Variants in TMEM217 observed in about 807,000 individuals in gnomAD.
TMEM217 encodes transmembrane protein 217.
For synonymous variants in TMEM217, 76 were observed against 88.3 expected, an observed-to-expected ratio of 0.86 and a Z score of 0.78; for missense variants, 204 against 248.8, an observed-to-expected ratio of 0.82 and a Z score of 1.21.
chr6:37,243,684 C>T lies in TMEM217; in HGVS notation c.-12+13884G>A, dbSNP rs192289132. On this transcript the variant is annotated intron_variant, in intron 1 of 1. Transcript: ENST00000357219. The stretch of plus-strand genomic sequence containing the variant: ...CATGATCTCGGCTCACTGCAACCTC[C>T]GCCTCCTGGGTTCAAGCGATTCTCC... Among the ~76,000 whole-genome samples the T allele has an allele frequency of 3.4e-3, 518 of 152,206 alleles. 2 individuals are homozygous for T. Among genetic ancestry groups the T allele is most frequent in the African/African-American group, 0.011 (456 of 41,516 alleles).
At position 37,257,868 on chromosome 6, in the gene TMEM217, C is replaced by T. The variant is rs369150865; in HGVS notation, c.-312G>A. On this transcript the variant is annotated 5_prime_UTR_variant, in exon 1 of 2. Coordinates refer to ENST00000357219, the Ensembl canonical transcript of TMEM217. ...CAGATTGCGGGGTCTGGGGGCATCT[C>T]GCCGGGCAAACCCTTGGCCCGCCTA... is the stretch of plus-strand genomic sequence containing the variant. 2.5e-6 allele frequency: 4 copies of T among 1,595,042 alleles called. No homozygotes were observed. In the East Asian group the frequency reaches 6.8e-5, roughly 27 times the overall value.
At chr6:37,218,551 G>A (rs746414209) in exon 2 of TMEM217, 1 of 1,614,112 alleles carries the variant, frequency 6.2e-7, no homozygotes, top group Non-Finnish European at 8.5e-7. Flanking sequence ...AAATTATATT[G>A]CCCTGGCTCC....
At chr6:37,215,835 C>T (rs1371851036), downstream of TMEM217, among the ~76,000 whole-genome samples, 1 of 152,018 alleles carries the variant, frequency 6.6e-6, no homozygotes, top group African/African-American at 2.4e-5. Flanking sequence ...AAGGGGTAGG[C>T]ACAGGGATAG....
chr6:37,218,196 G>A, exon 2 of TMEM217: 1 of 1,251,536 alleles, frequency 8.0e-7, no homozygotes, highest in Non-Finnish European at 1.0e-6. Flanking sequence ...GGGGGACAGA[G>A]TCTTACTCTG....
chr6:37,243,685 G>A (rs183957703), intron 1 of TMEM217, among the ~76,000 whole-genome samples: 1 of 152,172 alleles, frequency 6.6e-6, no homozygotes, highest in African/African-American at 2.4e-5. Flanking sequence ...TGCAACCTCC[G>A]CCTCCTGGGT....
chr6:37,229,346 T>TTTTTG lies in TMEM217; in HGVS notation c.-11-10306_-11-10305insCAAAA, dbSNP rs1764051662. Among the ~76,000 whole-genome samples, 3 of 128,202 alleles carry TTTTTG rather than the reference T, an allele frequency of 2.3e-5. 1 individual carries two copies. Among genetic ancestry groups the TTTTTG allele is most frequent in the African/African-American group, 9.2e-5 (3 of 32,474 alleles). The allele number at this position is 128,202 out of a possible 152,430, so 84.1% of individuals were successfully genotyped here. ...CCTAGCAACTTTCAGTTTTTTTTTT[T>TTTTTG]TTTTTTTTTTTTTTGAGACAGTGTC... is the stretch of plus-strand genomic sequence containing the variant. On this transcript the variant is annotated intron_variant, in intron 1 of 1. Coordinates refer to ENST00000357219, the Ensembl canonical transcript of TMEM217.
chr6:37,239,001 A>G (rs1764630006), intron 1 of TMEM217, among the ~76,000 whole-genome samples: 1 of 152,086 alleles, frequency 6.6e-6, no homozygotes, highest in Non-Finnish European at 1.5e-5. Context: ...ATGTTGGCAC[A>G]TGCCTGTAAT....
At chr6:37,247,247 G>T (rs1167501643) in intron 1 of TMEM217, among the ~76,000 whole-genome samples, 2 of 152,154 alleles carry the variant, frequency 1.3e-5, no homozygotes, top group Non-Finnish European at 2.9e-5. Context: ...GTTAATTTTA[G>T]TTTGGATTCT....
At chr6:37,212,770 G>A, downstream of TMEM217, 1 of 701,264 alleles carries the variant, frequency 1.4e-6, no homozygotes, top group Non-Finnish European at 2.6e-6. Flanking sequence ...GATGATGATG[G>A]TGGTGAGGGA....
intron 1 of TMEM217, among the ~76,000 whole-genome samples, chr6:37,221,670 A>T (rs1357743167): frequency 6.6e-6 from 1 of 152,240 alleles, no homozygotes; most frequent in Non-Finnish European, 1.5e-5. Context: ...GTGTTACAGG[A>T]TCTCTGGGGT....
chr6:37,228,097 G>A (rs920854873), intron 1 of TMEM217, among the ~76,000 whole-genome samples: 2 of 152,120 alleles, frequency 1.3e-5, no homozygotes, highest in African/African-American at 4.8e-5. Flanking sequence ...TGAGGTTGAG[G>A]GGTATGAAGA....
At position 37,218,554 on chromosome 6, in the gene TMEM217, C is replaced by T. The variant is rs540559913; in HGVS notation, c.477G>A (p.Gln159=). 10 of 1,614,134 alleles carry T rather than the reference C, an allele frequency of 6.2e-6. No individual in the cohort carries two copies. The South Asian group carries it at 8.8e-5, about 14-fold the overall frequency. Residue 159 remains glutamine, a synonymous_variant, in exon 2 of 2, where the codon CAG becomes CAA. Transcript: ENST00000357219. ...GTCTCTTGTAGGAAATTATATTGCC[C>T]TGGCTCCGGTTTTTGTAGGTTATGT...
intron 1 of TMEM217, among the ~76,000 whole-genome samples, chr6:37,236,867 C>T (rs1005670693): frequency 1.3e-5 from 2 of 152,128 alleles, no homozygotes; most frequent in African/African-American, 4.8e-5. Context: ...TGTAGCCTCT[C>T]CTAGAAGACT....
chr6:37,252,671 A>C (rs1765511826), intron 1 of TMEM217, among the ~76,000 whole-genome samples: 1 of 119,994 alleles, frequency 8.3e-6, no homozygotes, highest in Non-Finnish European at 1.7e-5. Context: ...ACAGGGTCTC[A>C]CTCTGTCACC....
chr6:37,224,667 GCTGGT>G (rs1346489845), intron 1 of TMEM217, among the ~76,000 whole-genome samples: 2 of 151,830 alleles, frequency 1.3e-5, no homozygotes, highest in Non-Finnish European at 2.9e-5. Context: ...TGTTACCCAG[GCTGGT>G]CTCAAACTCC....
chr6:37,236,893 C>T (rs924251201), intron 1 of TMEM217, among the ~76,000 whole-genome samples: 2 of 152,100 alleles, frequency 1.3e-5, no homozygotes, highest in African/African-American at 2.4e-5. Context: ...AGATGCCTGG[C>T]GATTGCTCTT....
chr6:37,212,440 C>A, exon 4 of TMEM217: 1 of 430,488 alleles, frequency 2.3e-6, no homozygotes. Context: ...GTACAACATT[C>A]CCAGACGGAC....
chr6:37,256,698 GTAT>G (rs939410342), intron 1 of TMEM217, among the ~76,000 whole-genome samples: 1 of 138,280 alleles, frequency 7.2e-6, no homozygotes, highest in African/African-American at 2.7e-5. Flanking sequence ...AGGTCTTTAA[GTAT>G]TCTCCAATAT....
chr6:37,233,486 T>A (rs1764321822), intron 1 of TMEM217, among the ~76,000 whole-genome samples: 1 of 152,142 alleles, frequency 6.6e-6, no homozygotes, highest in Non-Finnish European at 1.5e-5. Flanking sequence ...CATGCTCACA[T>A]GGGAGAAGGT....
Sources: allele counts gnomAD v4.1 joint callset (sites outside exome capture counted in the v4.1 genomes callset), GRCh38; gene constraint gnomAD v4.1.1; transcripts MANE v1.5; gene names NCBI Gene and HGNC (gene_info 2026-07-23, HGNC 2026-07-21).